The following GAB2 variants were observed in gnomAD, a reference collection of about 807,000 sequenced individuals.
GAB2 encodes the protein GRB2 associated binding protein 2, also known as GRB2-associated-binding protein 2.
A neutral mutation model predicts 65.5 loss-of-function variants in GAB2; 26 were observed. The observed-to-expected ratio is 0.40, with a 90% CI of 0.29 to 0.55. GAB2 has a LOEUF of 0.55. Among genes scored for constraint, GAB2 ranks in the 20% least tolerant of loss-of-function variants. GAB2 has a pLI of 0.53. For missense variants in GAB2, 884 were observed against 875.8 expected, an observed-to-expected ratio of 1.01 and a Z score of -0.12; for synonymous variants, 321 against 329.6, an observed-to-expected ratio of 0.97 and a Z score of 0.28.
At position 78,328,517 on chromosome 11, in the gene GAB2, G is replaced by A. The variant is rs111557064; in HGVS notation, c.76-47616C>T. The stretch of plus-strand genomic sequence containing the variant: ...CTCATAATAGCCAAAAGCTGGAAAC[G>A]GCACAGGCATCCATCCGAAGGAGAA... On this transcript the variant is annotated intron_variant, in intron 1 of 9. Transcript: ENST00000361507. 3.0e-3 allele frequency among the ~76,000 whole-genome samples: 463 copies of A among 152,218 alleles called. 2 individuals are homozygous for A. The highest frequency in any genetic ancestry group is 0.01 in the African/African-American group (429 of 41,536).
intron 1 of GAB2, among the ~76,000 whole-genome samples, chr11:78,401,828 A>T (rs570341576): frequency 1.3e-5 from 2 of 152,290 alleles, no homozygotes; most frequent in South Asian, 2.1e-4. Flanking sequence ...AGCTCAGGAG[A>T]CTGGCCTTGA....
chr11:78,365,613 T>C (rs529287956), intron 1 of GAB2, among the ~76,000 whole-genome samples: 10 of 152,080 alleles, frequency 6.6e-5, no homozygotes, highest in African/African-American at 2.4e-4. Context: ...CTGATTGGGA[T>C]TGATTGTTAC....
intron 5 of GAB2, among the ~76,000 whole-genome samples, chr11:78,224,877 T>C (rs1864576066): frequency 6.6e-6 from 1 of 152,090 alleles, no homozygotes; most frequent in African/African-American, 2.4e-5. Context: ...ACAAGGTTGG[T>C]GAACCTTGTA....
intron 1 of GAB2, among the ~76,000 whole-genome samples, chr11:78,331,348 C>T (rs906971001): frequency 1.3e-5 from 2 of 150,832 alleles, no homozygotes; most frequent in African/African-American, 4.9e-5. Context: ...CAGGTTCAAG[C>T]GATTCCCCTG....
chr11:78,346,590 G>GAGAAA (rs1856183044), intron 1 of GAB2, among the ~76,000 whole-genome samples: 3 of 148,656 alleles, frequency 2.0e-5, no homozygotes, highest in Non-Finnish European at 4.5e-5. Context: ...GAGAAGAGAA[G>GAGAAA]AGAAGAGAAA....
chr11:78,404,905 G>A (rs1241034534), intron 1 of GAB2, among the ~76,000 whole-genome samples: 3 of 152,096 alleles, frequency 2.0e-5, no homozygotes, highest in Non-Finnish European at 4.4e-5. Context: ...GACTGGAATT[G>A]GAATGTTCCT....
intron 2 of GAB2, among the ~76,000 whole-genome samples, chr11:78,266,107 TGA>T (rs1264334339): frequency 6.9e-6 from 1 of 145,406 alleles, no homozygotes. Context: ...CCCAGCTACT[TGA>T]GAGGCTGAGG....
At chr11:78,322,319 A>AAAAAAAAAATAAAAAAAAAAAAC (rs1855741523) in intron 1 of GAB2, among the ~76,000 whole-genome samples, 1 of 148,524 alleles carries the variant, frequency 6.7e-6, no homozygotes, top group Non-Finnish European at 1.5e-5. Context: ...AAAAAAAAAA[A>AAAAAAAAAATAAAAAAAAAAAAC]AAAAAAAAAG....
intron 1 of GAB2, among the ~76,000 whole-genome samples, chr11:78,384,557 C>A (rs1856741813): frequency 6.6e-6 from 1 of 152,186 alleles, no homozygotes; most frequent in African/African-American, 2.4e-5. Context: ...CCACAGCTTG[C>A]CAAACAGGCC....
At chr11:78,348,655 C>G (rs961987412) in intron 1 of GAB2, among the ~76,000 whole-genome samples, 2 of 152,132 alleles carry the variant, frequency 1.3e-5, no homozygotes, top group African/African-American at 4.8e-5. Flanking sequence ...TAAAACAATA[C>G]AGTTTGGAAG....
At position 78,320,673 on chromosome 11, in the gene GAB2, C is replaced by T. The variant is rs377067921; in HGVS notation, c.76-39772G>A. On this transcript the variant is annotated intron_variant, in intron 1 of 9. Coordinates refer to ENST00000361507, the MANE Select transcript of GAB2 (RefSeq NM_080491.3). ...GTGCTATGACAGCTCACTGCAGCCT[C>T]CCAAGTAGCTATGATTACAGGTGTG... 1.7e-4 allele frequency among the ~76,000 whole-genome samples: 21 copies of T among 121,738 alleles called. No homozygotes were observed. The East Asian group carries it at 3.8e-3, about 22-fold the overall frequency. The allele number at this position is 121,738 out of a possible 152,430, so 79.9% of individuals were successfully genotyped here.
chr11:78,246,089 C>G (rs1037706676), intron 3 of GAB2, among the ~76,000 whole-genome samples: 2 of 151,442 alleles, frequency 1.3e-5, no homozygotes, highest in Admixed American at 1.3e-4. Context: ...ACCACCATGC[C>G]TGGCTAATTT....
intron 1 of GAB2, among the ~76,000 whole-genome samples, chr11:78,359,896 A>T (rs1160539470): frequency 6.6e-6 from 1 of 152,200 alleles, no homozygotes; most frequent in Non-Finnish European, 1.5e-5. Context: ...ATAAAATGTG[A>T]TTAAGTTAAA....
intron 2 of GAB2, among the ~76,000 whole-genome samples, chr11:78,275,728 G>A (rs1021266934): frequency 4.6e-5 from 7 of 152,030 alleles, no homozygotes; most frequent in Admixed American, 3.3e-4. Context: ...ATATATAGAT[G>A]CATATGTGTA....
chr11:78,247,085 GTTT>G (rs1193190163), intron 3 of GAB2, among the ~76,000 whole-genome samples: 1 of 152,150 alleles, frequency 6.6e-6, no homozygotes, highest in Admixed American at 6.5e-5. Context: ...GAAAGATGGG[GTTT>G]TTTATGACAT....
intron 1 of GAB2, among the ~76,000 whole-genome samples, chr11:78,282,536 T>C (rs1866364525): frequency 6.6e-6 from 1 of 152,128 alleles, no homozygotes; most frequent in Admixed American, 6.6e-5. Flanking sequence ...CTCAAACTCC[T>C]GACCTCAGGT....
chr11:78,255,077 C>A (rs993974227), intron 2 of GAB2, among the ~76,000 whole-genome samples: 1 of 152,054 alleles, frequency 6.6e-6, no homozygotes, highest in African/African-American at 2.4e-5. Context: ...AGGGTGGGCC[C>A]TCATCCAATG....
chr11:78,245,968 G>A (rs983162540), intron 3 of GAB2, among the ~76,000 whole-genome samples: 18 of 144,674 alleles, frequency 1.2e-4, no homozygotes, highest in South Asian at 2.2e-4. Context: ...TTTTTGAGAC[G>A]GAGTTTTGCT....
At chr11:78,372,428 C>A (rs372716036) in intron 1 of GAB2, among the ~76,000 whole-genome samples, 1 of 152,308 alleles carries the variant, frequency 6.6e-6, no homozygotes, top group East Asian at 1.9e-4. Flanking sequence ...ATTTGACCAG[C>A]CCCTAGAGGT....
Sources: allele counts gnomAD v4.1 joint callset (sites outside exome capture counted in the v4.1 genomes callset), GRCh38; gene constraint gnomAD v4.1.1; transcripts MANE v1.5; gene names NCBI Gene and HGNC (gene_info 2026-07-23, HGNC 2026-07-21).